Variants in GDAP1 observed in about 807,000 individuals in gnomAD.
GDAP1 encodes ganglioside-induced differentiation-associated protein 1.
GDAP1 carries 34 observed loss-of-function variants against 40.1 expected under a neutral mutation model. The ratio of observed to expected loss-of-function variants is 0.85; its 90% CI spans 0.64 to 1.13. GDAP1 has a LOEUF of 1.13. Ranked by LOEUF, GDAP1 falls within the 50% of genes most tolerant of loss-of-function variation. The pLI, the probability that GDAP1 is intolerant of heterozygous loss-of-function variation, is 0.00. For missense variants in GDAP1, 374 were observed against 433.7 expected, an observed-to-expected ratio of 0.86 and a Z score of 1.22; for synonymous variants, 170 against 157.4, an observed-to-expected ratio of 1.08 and a Z score of -0.60.
chr8:74,366,291 G>A lies in GDAP1; in HGVS notation c.*1924G>A, dbSNP rs762889309. ...AGGGATACAATGACCACTAGATGTC[G>A]CTGTTTATCCAGTAGACTAAGATTG... On this transcript the variant is annotated 3_prime_UTR_variant, in exon 6 of 6. Transcript: ENST00000220822. 30 of 454,282 alleles carry A rather than the reference G, an allele frequency of 6.6e-5. 1 individual carries two copies. The highest frequency in any genetic ancestry group is 4.7e-4 in the South Asian group (30 of 64,462). 28.1% of individuals were successfully genotyped at this position (454,282 alleles called of 1,614,324 possible).
At chr8:74,436,634 C>T (rs902246366) in intron 2 of GDAP1, among the ~76,000 whole-genome samples, 2 of 152,006 alleles carry the variant, frequency 1.3e-5, no homozygotes, top group Non-Finnish European at 2.9e-5. Context: ...GTTGGCCAGA[C>T]TGGTCTTGAA....
chr8:74,416,006 C>G (rs1346892918), intron 2 of GDAP1, among the ~76,000 whole-genome samples: 1 of 149,892 alleles, frequency 6.7e-6, no homozygotes, highest in African/African-American at 2.5e-5. Context: ...TCTGTCTCTG[C>G]AGGGAGGCTT....
At chr8:74,482,321 C>G (rs986394858) in intron 2 of GDAP1, among the ~76,000 whole-genome samples, 2 of 152,030 alleles carry the variant, frequency 1.3e-5, no homozygotes, top group African/African-American at 4.8e-5. Flanking sequence ...GCAAATTATC[C>G]CTATGCAAGG....
rs1468325981 is a variant in GDAP1, at chr8:74,366,412, C to A, written c.*2045C>A. ...ATAAGGGCATCTTCATCAGATTATTCTTCTGTTTTAAAAAAAAGCTTGAGG... is the reference window on the plus strand; with the variant it reads ...ATAAGGGCATCTTCATCAGATTATTATTCTGTTTTAAAAAAAAGCTTGAGG... On this transcript the variant is annotated 3_prime_UTR_variant, in exon 6 of 6. Coordinates refer to ENST00000220822, the MANE Select transcript of GDAP1 (RefSeq NM_018972.4). 1 of 454,364 alleles carries A rather than the reference C, an allele frequency of 2.2e-6. No homozygotes were observed. The highest frequency in any genetic ancestry group is 2.4e-5 in the Admixed American group (1 of 42,550). The allele number at this position is 454,364 out of a possible 1,614,324, so 28.1% of individuals were successfully genotyped here. A position where few individuals can be genotyped will look rare whatever the true frequency, so the allele number is the denominator to read the frequency against.
intron 2 of GDAP1, among the ~76,000 whole-genome samples, chr8:74,397,596 C>G (rs1810231021): frequency 6.6e-6 from 1 of 152,108 alleles, no homozygotes; most frequent in Admixed American, 6.5e-5. Flanking sequence ...TTCCCAGCAC[C>G]ATTTATTAAA....
intron 2 of GDAP1, among the ~76,000 whole-genome samples, chr8:74,472,709 CT>C (rs1267690022): frequency 1.5e-4 from 1 of 6,770 alleles, no homozygotes; most frequent in African/African-American, 2.7e-4. Flanking sequence ...ATTGAGCTTT[CT>C]TTTCTTTTCT....
intron 2 of GDAP1, among the ~76,000 whole-genome samples, chr8:74,473,758 T>A (rs998497178): frequency 6.6e-6 from 1 of 152,212 alleles, no homozygotes; most frequent in African/African-American, 2.4e-5. Context: ...TGCTTTGTTC[T>A]TTTATTTAGG....
chr8:74,352,485 A>T (rs1291437188), intron 2 of GDAP1, among the ~76,000 whole-genome samples: 1 of 152,262 alleles, frequency 6.6e-6, no homozygotes, highest in Non-Finnish European at 1.5e-5. Flanking sequence ...GGACAAAAAA[A>T]AGTCTCATGT....
At chr8:74,411,197 C>T (rs1388706795) in intron 2 of GDAP1, among the ~76,000 whole-genome samples, 4 of 150,074 alleles carry the variant, frequency 2.7e-5, no homozygotes, top group Non-Finnish European at 5.9e-5. Context: ...TCAATTAAAC[C>T]TCTTTCCTTT....
chr8:74,465,492 T>C (rs549461506), intron 2 of GDAP1, among the ~76,000 whole-genome samples: 1 of 152,310 alleles, frequency 6.6e-6, no homozygotes, highest in East Asian at 1.9e-4. Context: ...CTGGACTAGA[T>C]GATAGCCTGA....
intron 2 of GDAP1, among the ~76,000 whole-genome samples, chr8:74,446,334 A>G (rs758473548): frequency 1.5e-4 from 23 of 152,180 alleles, no homozygotes; most frequent in Admixed American, 3.9e-4. Flanking sequence ...TTTCTCTATT[A>G]TGATGCACGT....
At chr8:74,369,284 A>G (rs983293096), downstream of GDAP1, among the ~76,000 whole-genome samples, 1 of 152,202 alleles carries the variant, frequency 6.6e-6, no homozygotes, top group Non-Finnish European at 1.5e-5. Context: ...ACTGTTGTTG[A>G]AAAAAAGTAA....
At chr8:74,423,543 C>T (rs941163851) in intron 2 of GDAP1, among the ~76,000 whole-genome samples, 1 of 151,420 alleles carries the variant, frequency 6.6e-6, no homozygotes, top group Non-Finnish European at 1.5e-5. Flanking sequence ...ATCTAATTCT[C>T]AATTTTTCCA....
At chr8:74,377,047 G>C (rs7015054) in intron 2 of GDAP1, among the ~76,000 whole-genome samples, 122,503 of 152,154 alleles carry the variant, frequency 0.81, 49,568 homozygotes, top group African/African-American at 0.83. Context: ...AAATTGTACA[G>C]AAAATTACTT....
At chr8:74,435,850 T>C in intron 2 of GDAP1, among the ~76,000 whole-genome samples, 1 of 152,256 alleles carries the variant, frequency 6.6e-6, no homozygotes, top group East Asian at 1.9e-4. Context: ...CAAATATTTT[T>C]AGACCTTGAG....
At position 74,466,741 on chromosome 8, in the gene GDAP1, C is replaced by T. The variant is rs151277437; in HGVS notation, c.166-21937C>T. On this transcript the variant is annotated intron_variant, in intron 2 of 2. Coordinates refer to the GDAP1 transcript ENST00000523640. ...CCAAGTAAAAACGTTAAATAGGAAG[C>T]CAGGGTCTGGTGTGCAGGTGAGAGT... 5.7e-3 allele frequency among the ~76,000 whole-genome samples: 871 copies of T among 152,234 alleles called. 7 individuals are homozygous for T. The highest frequency in any genetic ancestry group is 0.02 in the African/African-American group (813 of 41,520).
chr8:74,446,894 AGGG>A (rs1156538901), intron 2 of GDAP1, among the ~76,000 whole-genome samples: 1 of 152,128 alleles, frequency 6.6e-6, no homozygotes, highest in Non-Finnish European at 1.5e-5. Flanking sequence ...ATTGATTGCA[AGGG>A]GCTGGGGGAG....
intron 2 of GDAP1, among the ~76,000 whole-genome samples, chr8:74,418,820 T>C (rs571008757): frequency 6.6e-6 from 1 of 151,750 alleles, no homozygotes; most frequent in Admixed American, 6.6e-5. Context: ...TATAAACAAC[T>C]ATCAAATGCA....
At chr8:74,479,484 C>T (rs1408323214) in intron 2 of GDAP1, among the ~76,000 whole-genome samples, 1 of 151,882 alleles carries the variant, frequency 6.6e-6, no homozygotes, top group Admixed American at 6.6e-5. Context: ...ATGAATGTTG[C>T]TTCTATGTTA....
Sources: allele counts gnomAD v4.1 joint callset (sites outside exome capture counted in the v4.1 genomes callset), GRCh38; gene constraint gnomAD v4.1.1; transcripts MANE v1.5; gene names NCBI Gene and HGNC (gene_info 2026-07-23, HGNC 2026-07-21).